MYO16: variants seen among roughly 807,000 people sequenced by gnomAD.
MYO16 encodes the protein unconventional myosin-XVI.
A neutral mutation model predicts 205.3 loss-of-function variants in MYO16; 94 were observed. The ratio of observed to expected loss-of-function variants is 0.46; its 90% confidence interval spans 0.39 to 0.54. MYO16 has a LOEUF of 0.54. MYO16 is among the 20% of genes least tolerant of loss of function. The pLI, the probability that MYO16 is intolerant of heterozygous loss-of-function variation, is 0.00. For synonymous variants in MYO16, 988 were observed against 954.0 expected, an observed-to-expected ratio of 1.04 and a Z score of -0.66; for missense variants, 2,315 against 2,387.5, an observed-to-expected ratio of 0.97 and a Z score of 0.63.
At chr13:108,791,348 C>A (rs1311686049) in intron 5 of MYO16, among the ~76,000 whole-genome samples, 2 of 152,068 alleles carry the variant, frequency 1.3e-5, no homozygotes, top group Non-Finnish European at 2.9e-5. Context: ...CCTAAATGAC[C>A]AAATAATAGT....
chr13:108,980,355 T>C (rs1283883623), intron 20 of MYO16, among the ~76,000 whole-genome samples: 1 of 152,244 alleles, frequency 6.6e-6, no homozygotes, highest in Non-Finnish European at 1.5e-5. Context: ...GTTTCATTTC[T>C]AACTGGGGAA....
intron 15 of MYO16, among the ~76,000 whole-genome samples, chr13:108,906,127 C>T (rs1566403706): frequency 2.0e-5 from 3 of 152,122 alleles, no homozygotes; most frequent in Non-Finnish European, 4.4e-5. Flanking sequence ...TAACATTGCT[C>T]TTTAAATCAC....
At chr13:108,975,387 T>G (rs1884215810) in intron 20 of MYO16, among the ~76,000 whole-genome samples, 1 of 152,254 alleles carries the variant, frequency 6.6e-6, no homozygotes, top group Non-Finnish European at 1.5e-5. Flanking sequence ...CAGATGCAAT[T>G]TATGACTTTT....
intron 20 of MYO16, among the ~76,000 whole-genome samples, chr13:108,974,907 C>T (rs746181451): frequency 2.6e-5 from 4 of 152,298 alleles, no homozygotes; most frequent in South Asian, 2.1e-4. Context: ...CTTTCAGCTG[C>T]ACTGTAGGCA....
In MYO16 at chr13:108,988,204, T is replaced by G. The variant is rs749078645; in HGVS notation, c.2370-4172T>G. Among the ~76,000 whole-genome samples, 16 of 152,168 alleles carry G rather than the reference T, an allele frequency of 1.1e-4. No homozygotes were observed. In the South Asian group the frequency reaches 1.2e-3, roughly 12 times the overall value. The stretch of plus-strand genomic sequence containing the variant: ...ATGCCTGTGGAATAGGAGTCAGATA[T>G]CAATAAGGGGAATGACAGTCAGGTC... On this transcript the variant is annotated intron_variant, in intron 20 of 34. Transcript: ENST00000457511.
At position 108,727,600 on chromosome 13, in the gene MYO16, A is replaced by G. The variant is rs759811241; in HGVS notation, c.507+17A>G. On this transcript the variant is annotated intron_variant, in intron 4 of 34. Transcript: ENST00000457511. ...CTTGTATTAGTAAGTAAAGCAATTC[A>G]GTTTACCATTTGAAGATTTGATGGC... is the stretch of plus-strand genomic sequence containing the variant. The G allele has an allele frequency of 1.9e-6, 3 of 1,595,762 alleles. No individual in the cohort carries two copies. Among genetic ancestry groups the G allele is most frequent in the Non-Finnish European group, 2.6e-6 (3 of 1,171,772 alleles).
At chr13:109,122,902 C>T (rs566481721) in intron 29 of MYO16, among the ~76,000 whole-genome samples, 157 of 152,180 alleles carry the variant, frequency 1.0e-3, no homozygotes, top group Non-Finnish European at 9.0e-4. Flanking sequence ...TAATCTGGAA[C>T]CATTTCCAGT....
chr13:109,203,351 G>GA (rs1197786514), intron 34 of MYO16, among the ~76,000 whole-genome samples: 1 of 150,674 alleles, frequency 6.6e-6, no homozygotes, highest in Admixed American at 6.6e-5. Context: ...AAATTAGCAA[G>GA]AAAAAAGCCA....
At chr13:109,056,587 A>G (rs1887425333) in intron 27 of MYO16, among the ~76,000 whole-genome samples, 1 of 152,144 alleles carries the variant, frequency 6.6e-6, no homozygotes, top group South Asian at 2.1e-4. Flanking sequence ...AGACAGGTAA[A>G]TGCATACGCA....
At chr13:108,524,021 C>T in the MYO16 span, among the ~76,000 whole-genome samples, 6 of 152,250 alleles carry the variant, frequency 3.9e-5, no homozygotes, top group Admixed American at 3.3e-4. Context: ...TGGCACTGGC[C>T]GGGTGCGGAG....
chr13:108,866,871 A>G (rs1354524264), intron 12 of MYO16, among the ~76,000 whole-genome samples: 2 of 152,258 alleles, frequency 1.3e-5, no homozygotes, highest in Middle Eastern at 3.4e-3. Context: ...GGGAGTGGGT[A>G]TATGTTCCTG....
Position 108,685,659 on chromosome 13 carries a change from G to T in MYO16, c.292+19510G>T, listed in dbSNP as rs573432651. Among the ~76,000 whole-genome samples the T allele has an allele frequency of 3.9e-5, 6 of 152,294 alleles. No individual in the cohort carries two copies. In the East Asian group the frequency reaches 9.7e-4, roughly 25 times the overall value. Reference sequence around the variant, plus strand: ...GATCCTGCTGACGGTCTATATGGCTGCCCAGACTGCTATCACAAAATACCA... The same window carrying T: ...GATCCTGCTGACGGTCTATATGGCTTCCCAGACTGCTATCACAAAATACCA... On this transcript the variant is annotated intron_variant, in intron 2 of 34. Coordinates refer to ENST00000457511, the MANE Select transcript of MYO16 (RefSeq NM_001198950.3).
chr13:109,055,676 G>T lies in MYO16; in HGVS notation c.3335+81G>T, dbSNP rs1887396205. ...TGACACTGACACTATTGTAGCAAGG[G>T]TCTTCTGTTGTCTTTTTTGGCACTG... On this transcript the variant is annotated intron_variant, in intron 27 of 34. Coordinates refer to ENST00000457511, the MANE Select transcript of MYO16 (RefSeq NM_001198950.3). This position sits in a 1 kb window ranked among gnomAD's most constrained non-coding sequence, Gnocchi z 5.0. 4.8e-6 allele frequency: 6 copies of T among 1,249,410 alleles called. No homozygotes were observed. In the Admixed American group the frequency reaches 6.0e-5, roughly 12 times the overall value. The allele number at this position is 1,249,410 out of a possible 1,614,324, so 77.4% of individuals were successfully genotyped here. A position where few individuals can be genotyped will look rare whatever the true frequency, so the allele number is the denominator to read the frequency against.
At chr13:108,917,438 G>T (rs545171048) in intron 16 of MYO16, among the ~76,000 whole-genome samples, 2 of 152,242 alleles carry the variant, frequency 1.3e-5, no homozygotes, top group African/African-American at 4.8e-5. Flanking sequence ...TCCCAGCCCG[G>T]CAGGTGAAGG....
intron 2 of MYO16, among the ~76,000 whole-genome samples, chr13:108,666,971 C>T (rs1881759908): frequency 6.6e-6 from 1 of 152,162 alleles, no homozygotes. Context: ...TTGACTGGCT[C>T]TCAAATCAGT....
chr13:109,089,800 C>G (rs187436792), intron 27 of MYO16, among the ~76,000 whole-genome samples: 2 of 152,198 alleles, frequency 1.3e-5, no homozygotes, highest in Non-Finnish European at 1.5e-5. Context: ...TTTATGGGCA[C>G]TCTATAAATC....
At chr13:108,822,135 T>C (rs74119786) in intron 8 of MYO16, among the ~76,000 whole-genome samples, 1,683 of 152,246 alleles carry the variant, frequency 0.011, 31 homozygotes, top group African/African-American at 0.039. Flanking sequence ...TACTATAGTA[T>C]ATTGCTGTTA....
At chr13:108,650,977 C>A (rs1880976096) in intron 1 of MYO16, among the ~76,000 whole-genome samples, 1 of 152,210 alleles carries the variant, frequency 6.6e-6, no homozygotes. Flanking sequence ...TGATGCTTCA[C>A]ATGCATTTTA....
chr13:109,136,820 G>A (rs1259342576), intron 31 of MYO16, among the ~76,000 whole-genome samples: 2 of 144,926 alleles, frequency 1.4e-5, no homozygotes, highest in Non-Finnish European at 3.0e-5. Flanking sequence ...AAGAGTTTAA[G>A]GTTTTTTTGT....
Sources: gnomAD v4.1 joint callset for allele counts (sites outside exome capture counted in the v4.1 genomes callset) on GRCh38, gnomAD v4.1.1 for gene constraint, Gnocchi (gnomAD v3.1) non-coding constraint, MANE v1.5 for transcripts, NCBI Gene and HGNC (gene_info 2026-07-23, HGNC 2026-07-21) for gene names.